PIP: variants seen among roughly 807,000 people sequenced by gnomAD.
The protein encoded by PIP is prolactin induced protein.
Under a neutral mutation model 12.8 loss-of-function variants are expected in PIP, and 9 were observed. The ratio of observed to expected loss-of-function variants is 0.70; its 90% confidence interval spans 0.42 to 1.23. PIP has a LOEUF of 1.23. Ranked by LOEUF, PIP falls within the 50% of genes most tolerant of loss-of-function variation. PIP has a pLI of 0.00. For synonymous variants in PIP, 60 were observed against 66.1 expected, an observed-to-expected ratio of 0.91 and a Z score of 0.45; for missense variants, 172 against 179.5, an observed-to-expected ratio of 0.96 and a Z score of 0.24.
At chr7:143,133,644 T>A (rs377080447) in intron 1 of PIP, among the ~76,000 whole-genome samples, 14 of 152,112 alleles carry the variant, frequency 9.2e-5, no homozygotes, top group African/African-American at 3.1e-4. Flanking sequence ...ATGGTCTAAA[T>A]GTAGAGTAGT....
intron 2 of PIP, among the ~76,000 whole-genome samples, chr7:143,135,924 A>C (rs753184483): frequency 4.6e-5 from 7 of 151,840 alleles, no homozygotes; most frequent in Admixed American, 1.3e-4. Context: ...TGTGTCTAAA[A>C]CTCACTCGGG....
chr7:143,136,980 A>G (rs1210399173), intron 2 of PIP, among the ~76,000 whole-genome samples: 1 of 151,644 alleles, frequency 6.6e-6, no homozygotes, highest in Non-Finnish European at 1.5e-5. Context: ...ATTAAAATAT[A>G]TTTATATAAC....
At chr7:143,133,548 G>A (rs1799266242) in intron 1 of PIP, among the ~76,000 whole-genome samples, 1 of 151,970 alleles carries the variant, frequency 6.6e-6, no homozygotes, top group Non-Finnish European at 1.5e-5. Flanking sequence ...AACTCTCCTG[G>A]CCCCGAACCC....
At chr7:143,135,114 C>T (rs1027185049) in intron 1 of PIP, 80 bp from the exon 2 acceptor site, 9 of 707,334 alleles carry the variant, frequency 1.3e-5, no homozygotes, top group Non-Finnish European at 2.3e-5. Flanking sequence ...TCCTGTGCCC[C>T]TTGCCCTGTT....
intron 2 of PIP, 83 bp from the exon 3 acceptor site, chr7:143,138,992 G>C (rs75213659): frequency 1.3e-6 from 1 of 761,360 alleles, no homozygotes; most frequent in Non-Finnish European, 2.4e-6. Context: ...CTTCTCCTCC[G>C]GCTTTTCCCT....
At chr7:143,135,163 TG>T in intron 1 of PIP, 30 bp from the exon 2 acceptor site, 1 of 1,182,420 alleles carries the variant, frequency 8.5e-7, no homozygotes, top group Non-Finnish European at 1.3e-6. Context: ...TCTCTGATCC[TG>T]GTGTTCTGAT....
In PIP at chr7:143,134,233, T is replaced by TATAAAA. The variant is rs1277832613; in HGVS notation, c.96-960_96-959insTAAAAA. Among the ~76,000 whole-genome samples, 51 of 86,378 alleles carry TATAAAA rather than the reference T, an allele frequency of 5.9e-4. 1 individual carries two copies. Among genetic ancestry groups the TATAAAA allele is most frequent in the African/African-American group, 2.3e-3 (50 of 21,540 alleles). The allele number at this position is 86,378 out of a possible 152,430, so 56.7% of individuals were successfully genotyped here. A position where few individuals can be genotyped will look rare whatever the true frequency, so the allele number is the denominator to read the frequency against. On this transcript the variant is annotated intron_variant, in intron 1 of 3. Transcript: ENST00000291009. ...ATATATATATATATATATATATATA[T>TATAAAA]ACCACAGTTTCTTTATCCACTCGTT...
intron 1 of PIP, among the ~76,000 whole-genome samples, chr7:143,134,082 T>C (rs1352542783): frequency 1.3e-5 from 2 of 150,254 alleles, no homozygotes; most frequent in African/African-American, 2.4e-5. Context: ...GGTTTTCCAT[T>C]ACTGAGTTAC....
chr7:143,133,823 T>G (rs928278700), intron 1 of PIP, among the ~76,000 whole-genome samples: 3 of 151,782 alleles, frequency 2.0e-5, no homozygotes, highest in African/African-American at 4.8e-5. Context: ...TTTTTATTAT[T>G]TTATTTTATT....
At position 143,132,192 on chromosome 7, in the gene PIP, A is replaced by G; in HGVS notation, c.76A>G (p.Asn26Asp). The change falls in exon 1 of 4, where the codon AAC becomes GAC. Residue 26 changes from asparagine to aspartate, a missense_variant. Asn to Asp is a conservative substitution (Grantham distance 23). Transcript: ENST00000291009. ...LLVLCLQLGANKAQDNTRKII... is the reference protein window; with the variant it reads ...LLVLCLQLGADKAQDNTRKII... ...GGTTCTCTGCCTGCAGTTGGGGGCC[A>G]ACAAAGCTCAGGACAACACGTGAGC... is the stretch of plus-strand genomic sequence containing the variant. The G allele has an allele frequency of 1.2e-6, 2 of 1,613,704 alleles. No individual in the cohort carries two copies. Among genetic ancestry groups the G allele is most frequent in the Non-Finnish European group, 1.7e-6 (2 of 1,179,630 alleles).
At chr7:143,134,494 C>T (rs564370978) in intron 1 of PIP, among the ~76,000 whole-genome samples, 4 of 151,466 alleles carry the variant, frequency 2.6e-5, no homozygotes, top group African/African-American at 9.7e-5. Flanking sequence ...TAGAAGTGTC[C>T]CCTGATCACT....
intron 1 of PIP, among the ~76,000 whole-genome samples, chr7:143,132,933 G>T (rs560232037): frequency 6.6e-6 from 1 of 152,114 alleles, no homozygotes; most frequent in South Asian, 2.1e-4. Context: ...ATAATGCTGG[G>T]TTTCTGGGTT....
intron 2 of PIP, among the ~76,000 whole-genome samples, chr7:143,137,880 A>C (rs541000089): frequency 2.0e-5 from 3 of 151,356 alleles, no homozygotes; most frequent in Non-Finnish European, 4.4e-5. Context: ...AGCCTGGGCA[A>C]CAGAGTGAGA....
intron 2 of PIP, among the ~76,000 whole-genome samples, chr7:143,136,524 A>G (rs965884208): frequency 2.0e-5 from 3 of 152,120 alleles, no homozygotes; most frequent in Admixed American, 2.0e-4. Context: ...AATCTGAGAC[A>G]TGTACACTAA....
chr7:143,135,664 C>A (rs1028506748), intron 2 of PIP, among the ~76,000 whole-genome samples: 2 of 152,016 alleles, frequency 1.3e-5, no homozygotes, highest in Non-Finnish European at 2.9e-5. Flanking sequence ...GAAGAGAAAG[C>A]AGCAACTCCA....
chr7:143,135,692 G>A (rs1235945232), intron 2 of PIP, among the ~76,000 whole-genome samples: 2 of 151,948 alleles, frequency 1.3e-5, no homozygotes, highest in African/African-American at 4.8e-5. Context: ...GGTTGAGGTG[G>A]GTGGGCAGAA....
rs1172688895 is a variant in PIP at position 143,139,707 on chromosome 7, G to T, written c.*65G>T. On this transcript the variant is annotated 3_prime_UTR_variant, in exon 4 of 4. Coordinates refer to ENST00000291009, the MANE Select transcript of PIP (RefSeq NM_002652.3). ...CTAAAGAAACTTGGCTGGAATTTCT[G>T]CTGTGGTCTATAAAATAAACTTCTT... 40 of 1,498,842 alleles carry T rather than the reference G, an allele frequency of 2.7e-5. No individual in the cohort carries two copies. The highest frequency in any genetic ancestry group is 3.4e-5 in the Non-Finnish European group (37 of 1,084,416). 92.8% of individuals were successfully genotyped at this position (1,498,842 alleles called of 1,614,324 possible).
At chr7:143,135,325 T>G (rs1799298182) in intron 2 of PIP, 26 bp downstream of exon 2, 1 of 1,049,836 alleles carries the variant, frequency 9.5e-7, no homozygotes, top group Non-Finnish European at 1.5e-6. Context: ...GGGGCGTGAC[T>G]TCAAAAGATA....
chr7:143,132,229 C>G lies in PIP; in HGVS notation c.95+18C>G, dbSNP rs749334188. On this transcript the variant is annotated intron_variant, in intron 1 of 3. Transcript: ENST00000291009. ...GACAACACGTGAGCCATGCCCTTCT[C>G]CTCCCCACAAAAAAAATTGCAGGGA... 5.6e-6 allele frequency: 9 copies of G among 1,610,524 alleles called. No homozygotes were observed. In the Admixed American group the frequency reaches 1.3e-4, roughly 24 times the overall value.
Sources: gnomAD v4.1 joint callset for allele counts (sites outside exome capture counted in the v4.1 genomes callset) on GRCh38, gnomAD v4.1.1 for gene constraint, MANE v1.5 for transcripts, NCBI Gene and HGNC (gene_info 2026-07-23, HGNC 2026-07-21) for gene names.